CTNNA3: variants seen among roughly 807,000 people sequenced by gnomAD.
CTNNA3 encodes the protein catenin alpha-3.
CTNNA3 carries 76 observed loss-of-function variants against 95.7 expected under a neutral mutation model. The ratio of observed to expected loss-of-function variants is 0.79; its 90% CI spans 0.66 to 0.96. CTNNA3 has a LOEUF of 0.96. Ranked by LOEUF, CTNNA3 falls within the 40% of genes least tolerant of loss-of-function variation. The probability of loss-of-function intolerance (pLI) is 0.00; values close to 1 mark genes in which losing one functional copy is unlikely to be tolerated. For missense variants in CTNNA3, 1,191 were observed against 1,089.8 expected, an observed-to-expected ratio of 1.09 and a Z score of -1.31; for synonymous variants, 431 against 374.4, an observed-to-expected ratio of 1.15 and a Z score of -1.74.
At chr10:67,214,781 T>G (rs991476273) in intron 6 of CTNNA3, among the ~76,000 whole-genome samples, 1 of 152,028 alleles carries the variant, frequency 6.6e-6, no homozygotes, top group Non-Finnish European at 1.5e-5. Flanking sequence ...AACATTCATG[T>G]TTAAGAACTC....
intron 5 of CTNNA3, among the ~76,000 whole-genome samples, chr10:67,351,661 T>C (rs961458544): frequency 6.6e-6 from 1 of 151,946 alleles, no homozygotes; most frequent in Non-Finnish European, 1.5e-5. Flanking sequence ...CAGAGTAAAT[T>C]AATGCAAAGT....
At chr10:66,621,098 T>C (rs1844729340) in intron 10 of CTNNA3, among the ~76,000 whole-genome samples, 1 of 152,010 alleles carries the variant, frequency 6.6e-6, no homozygotes, top group Non-Finnish European at 1.5e-5. Flanking sequence ...GACAAGAAAA[T>C]ATTTCTTAAC....
chr10:66,248,898 T>A (rs1264045922), intron 13 of CTNNA3, among the ~76,000 whole-genome samples: 1 of 152,060 alleles, frequency 6.6e-6, no homozygotes, highest in Non-Finnish European at 1.5e-5. Flanking sequence ...CAAATTATAT[T>A]AACACTACAA....
At chr10:66,213,410 A>C (rs2088298899) in intron 13 of CTNNA3, among the ~76,000 whole-genome samples, 1 of 152,162 alleles carries the variant, frequency 6.6e-6, no homozygotes, top group Admixed American at 6.5e-5. Flanking sequence ...TTTATATATC[A>C]TACTAGCTAG....
intron 5 of CTNNA3, among the ~76,000 whole-genome samples, chr10:67,337,167 A>T (rs1842025703): frequency 6.6e-6 from 1 of 152,214 alleles, no homozygotes; most frequent in Admixed American, 6.5e-5. Context: ...TCACCATTCT[A>T]GATGCCATTA....
intron 13 of CTNNA3, among the ~76,000 whole-genome samples, chr10:66,150,957 G>A (rs956501387): frequency 6.6e-6 from 1 of 151,924 alleles, no homozygotes; most frequent in Non-Finnish European, 1.5e-5. Flanking sequence ...TCCCTTCAGT[G>A]GCTTCAATCC....
intron 11 of CTNNA3, among the ~76,000 whole-genome samples, chr10:66,446,782 T>G (rs2093425361): frequency 6.6e-6 from 1 of 152,092 alleles, no homozygotes; most frequent in African/African-American, 2.4e-5. Flanking sequence ...GGATGCCCTC[T>G]CTCACCACTC....
At position 66,426,267 on chromosome 10, in the gene CTNNA3, G is replaced by C. The variant is rs890666854; in HGVS notation, c.1532-46915C>G. Among the ~76,000 whole-genome samples the C allele has an allele frequency of 3.3e-5, 5 of 151,862 alleles. No homozygotes were observed. The South Asian group carries it at 8.3e-4, about 25-fold the overall frequency. On this transcript the variant is annotated intron_variant, in intron 11 of 17. Coordinates refer to ENST00000433211, the MANE Select transcript of CTNNA3 (RefSeq NM_013266.4). The stretch of plus-strand genomic sequence containing the variant: ...TATACTTGGAATGACTGTGTCATAG[G>C]GTACTCAGTTATTGTTTTAATTATA...
At chr10:67,595,031 T>G (rs1397843256) in intron 3 of CTNNA3, among the ~76,000 whole-genome samples, 1 of 152,208 alleles carries the variant, frequency 6.6e-6, no homozygotes, top group Admixed American at 6.5e-5. Flanking sequence ...AGTCTCCAGC[T>G]CCATCCAAGT....
intron 1 of CTNNA3, among the ~76,000 whole-genome samples, chr10:67,676,711 C>T (rs1460063019): frequency 6.6e-6 from 1 of 152,212 alleles, no homozygotes; most frequent in African/African-American, 2.4e-5. Flanking sequence ...GACCCTTTCT[C>T]CTGCTGCACT....
At chr10:67,405,195 A>G (rs893546152) in intron 5 of CTNNA3, among the ~76,000 whole-genome samples, 2 of 152,212 alleles carry the variant, frequency 1.3e-5, no homozygotes, top group Non-Finnish European at 2.9e-5. Flanking sequence ...ACAGGATCAA[A>G]TCCATACATA....
chr10:66,910,758 C>G (rs924184063), intron 7 of CTNNA3, among the ~76,000 whole-genome samples: 2 of 152,168 alleles, frequency 1.3e-5, no homozygotes, highest in Non-Finnish European at 2.9e-5. Flanking sequence ...CTATGGATGC[C>G]TCTCCAGTTT....
At chr10:67,260,637 A>G (rs1439572264) in intron 5 of CTNNA3, among the ~76,000 whole-genome samples, 1 of 152,094 alleles carries the variant, frequency 6.6e-6, no homozygotes, top group Non-Finnish European at 1.5e-5. Context: ...AATAACATTG[A>G]ATCATAACAT....
chr10:67,614,788 T>G (rs576278725), intron 2 of CTNNA3, among the ~76,000 whole-genome samples: 143 of 152,306 alleles, frequency 9.4e-4, no homozygotes, highest in African/African-American at 3.3e-3. Context: ...GAAATTTATT[T>G]TCTTACAGTT....
At chr10:67,647,185 G>C (rs1284814849) in intron 2 of CTNNA3, among the ~76,000 whole-genome samples, 2 of 130,958 alleles carry the variant, frequency 1.5e-5, no homozygotes, top group African/African-American at 5.4e-5. Context: ...TATTATTACT[G>C]CTATTCTTGC....
chr10:67,099,744 G>A (rs1331115386), intron 7 of CTNNA3: 4 of 152,060 alleles, frequency 2.6e-5, no homozygotes, highest in Non-Finnish European at 4.4e-5. Context: ...CCCAGATTTT[G>A]TAACATATTT....
intron 11 of CTNNA3, among the ~76,000 whole-genome samples, chr10:66,450,034 ATAAT>A (rs1422344019): frequency 6.6e-6 from 1 of 152,058 alleles, no homozygotes; most frequent in Non-Finnish European, 1.5e-5. Context: ...AATTGTTTCA[ATAAT>A]TATTTTTTTA....
rs529362443 is a variant in CTNNA3 at position 66,102,145 on chromosome 10, G to A, written c.1977+1012C>T. On this transcript the variant is annotated intron_variant, in intron 14 of 17. Coordinates refer to ENST00000433211, the MANE Select transcript of CTNNA3 (RefSeq NM_013266.4). ...TCAACATCAGATACAACCATAAGAGGCCAGAAAACAGAGGGAAAGGTTAGG... is the reference window on the plus strand; with the variant it reads ...TCAACATCAGATACAACCATAAGAGACCAGAAAACAGAGGGAAAGGTTAGG... Among the ~76,000 whole-genome samples the A allele has an allele frequency of 1.9e-4, 29 of 152,130 alleles. No individual in the cohort carries two copies. The South Asian group carries it at 4.8e-3, about 25-fold the overall frequency.
At chr10:66,728,568 G>T (rs1848850684) in intron 9 of CTNNA3, among the ~76,000 whole-genome samples, 1 of 151,736 alleles carries the variant, frequency 6.6e-6, no homozygotes, top group African/African-American at 2.4e-5. Flanking sequence ...TACAGTTTTG[G>T]GTTTTTCATT....
Sources: gnomAD v4.1 joint callset for allele counts (sites outside exome capture counted in the v4.1 genomes callset) on GRCh38, gnomAD v4.1.1 for gene constraint, MANE v1.5 for transcripts, NCBI Gene and HGNC (gene_info 2026-07-23, HGNC 2026-07-21) for gene names.